DIP2C: variants seen among roughly 807,000 people sequenced by gnomAD.
DIP2C encodes the protein disco-interacting protein 2 homolog C.
Under a neutral mutation model 192.4 loss-of-function variants are expected in DIP2C, and 33 were observed. The ratio of observed to expected loss-of-function variants is 0.17; its 90% CI spans 0.13 to 0.23. The LOEUF is 0.23. Among genes scored for constraint, DIP2C ranks in the 10% least tolerant of loss-of-function variants. The pLI, the probability that DIP2C is intolerant of heterozygous loss-of-function variation, is 1.00. For synonymous variants in DIP2C, 979 were observed against 864.1 expected, an observed-to-expected ratio of 1.13 and a Z score of -2.33; for missense variants, 1,537 against 2,110.1, an observed-to-expected ratio of 0.73 and a Z score of 5.32.
chr10:687,568 G>A (rs988842457), intron 1 of DIP2C, among the ~76,000 whole-genome samples: 7 of 152,278 alleles, frequency 4.6e-5, no homozygotes, highest in African/African-American at 1.7e-4. Flanking sequence ...CCCTTTCTCT[G>A]CCTGGTCTCT....
At chr10:379,238 G>A (rs968729405) in intron 17 of DIP2C, among the ~76,000 whole-genome samples, 12 of 102,182 alleles carry the variant, frequency 1.2e-4, no homozygotes, top group African/African-American at 2.2e-4. Flanking sequence ...GCTTCTGTAC[G>A]CCCTGCCCCG....
chr10:539,998 C>T (rs935750022), intron 1 of DIP2C, among the ~76,000 whole-genome samples: 7 of 152,174 alleles, frequency 4.6e-5, no homozygotes, highest in African/African-American at 7.2e-5. Context: ...TGCAGAAAGC[C>T]ACTTTCCCCT....
chr10:353,637 C>T (rs747695129), intron 24 of DIP2C, among the ~76,000 whole-genome samples: 15 of 152,290 alleles, frequency 9.8e-5, no homozygotes, highest in Non-Finnish European at 1.0e-4. Context: ...ACTGATCCAC[C>T]CAAAGTGCTG....
chr10:387,295 G>A, intron 14 of DIP2C, among the ~76,000 whole-genome samples: 1 of 152,252 alleles, frequency 6.6e-6, no homozygotes. Flanking sequence ...AACTGGCTTT[G>A]TGGTGCAGTT....
chr10:329,552 T>G lies in DIP2C; in HGVS notation c.3634A>C (p.Thr1212Pro), dbSNP rs951194420. ...GCAAGAAGCCACAAGGCGGGGTTGG[T>G]TTCCAGCTCAGAGGGCGGGATCAGG... ...SILIPPSELE[T>P]NPALWLLAVS... The change falls in exon 30 of 37, where the codon ACC becomes CCC. Residue 1212 changes from threonine (T) to proline (P), a missense_variant. Around this residue, in one of 4 missense-constraint regions of DIP2C, gnomAD observed 341 missense variants for 551.7 expected, o/e 0.62. Transcript: ENST00000280886. 6.2e-7 allele frequency: 1 copy of G among 1,614,094 alleles called. No individual in the cohort carries two copies.
Position 390,109 on chromosome 10 carries a change from G to C in DIP2C, c.1495-16C>G, listed in dbSNP as rs778560351. 6.2e-7 allele frequency: 1 copy of C among 1,611,532 alleles called. No individual in the cohort carries two copies. Among genetic ancestry groups the C allele is most frequent in the Non-Finnish European group, 8.5e-7 (1 of 1,177,934 alleles). On this transcript the variant is annotated splice_polypyrimidine_tract_variant and intron_variant, in intron 12 of 36. Coordinates refer to ENST00000280886, the MANE Select transcript of DIP2C (RefSeq NM_014974.3). ...ACGTCTTGTACTGAAACGAGACAAA[G>C]CGTGAGGGAAGTGGGGCTGACAGGT...
intron 4 of DIP2C, among the ~76,000 whole-genome samples, chr10:425,993 T>A (rs1966574976): frequency 6.6e-6 from 1 of 152,214 alleles, no homozygotes; most frequent in Non-Finnish European, 1.5e-5. Context: ...TTATTTGACA[T>A]TATCTGGCAG....
At chr10:556,129 C>T (rs1004095563) in intron 1 of DIP2C, among the ~76,000 whole-genome samples, 1 of 131,646 alleles carries the variant, frequency 7.6e-6, no homozygotes, top group African/African-American at 3.1e-5. Flanking sequence ...AACCACCCAC[C>T]CCCTTCCACA....
Position 366,126 on chromosome 10 carries a change from A to G in DIP2C, c.2268+149T>C. On this transcript the variant is annotated intron_variant, in intron 19 of 36. Transcript: ENST00000280886. ...AAAACAAATTTATCAAAAGCGATAA[A>G]AAGTGGTAAAGTGCCATCGTTTTCA... The G allele has an allele frequency of 1.4e-5, 16 of 1,136,590 alleles. No individual in the cohort carries two copies. In the South Asian group the frequency reaches 1.4e-4, roughly 10 times the overall value. The allele number at this position is 1,136,590 out of a possible 1,614,324, so 70.4% of individuals were successfully genotyped here.
At chr10:286,631 G>A (rs1955150953) in intron 33 of DIP2C, among the ~76,000 whole-genome samples, 1 of 152,016 alleles carries the variant, frequency 6.6e-6, no homozygotes, top group South Asian at 2.1e-4. Flanking sequence ...AAAGCTAAGA[G>A]AAATCTATTG....
intron 1 of DIP2C, among the ~76,000 whole-genome samples, chr10:506,313 G>A (rs894098788): frequency 3.9e-5 from 6 of 152,174 alleles, no homozygotes; most frequent in Non-Finnish European, 8.8e-5. Flanking sequence ...CAGACAAGCT[G>A]CATGACATCT....
chr10:528,308 C>G (rs1488454877), intron 1 of DIP2C, among the ~76,000 whole-genome samples: 4 of 151,970 alleles, frequency 2.6e-5, no homozygotes, highest in Non-Finnish European at 2.9e-5. Flanking sequence ...GCTGCCCACC[C>G]AGAATGCAGA....
chr10:310,187 C>A, intron 31 of DIP2C, 95 bp from the exon 32 acceptor site: 1 of 1,226,776 alleles, frequency 8.2e-7, no homozygotes, highest in Non-Finnish European at 1.2e-6. Context: ...TTTGTAAAAT[C>A]TTAAAGTGAA....
At chr10:570,737 C>T (rs1352807457) in intron 1 of DIP2C, among the ~76,000 whole-genome samples, 1 of 152,230 alleles carries the variant, frequency 6.6e-6, no homozygotes, top group African/African-American at 2.4e-5. Flanking sequence ...GTAGATAAGT[C>T]CACAACCTAC....
In DIP2C at chr10:356,514, A is replaced by G. The variant is rs1196851120; in HGVS notation, c.2905-8T>C. ...CTCTGAGAGGAACAGGAACTGGAAC[A>G]GAGCACGGGCATGAGGATCAGGCTG... On this transcript the variant is annotated splice_polypyrimidine_tract_variant and splice_region_variant and intron_variant, in intron 23 of 36. Coordinates refer to ENST00000280886, the MANE Select transcript of DIP2C (RefSeq NM_014974.3). 7.5e-6 allele frequency: 12 copies of G among 1,608,836 alleles called. No individual in the cohort carries two copies. In the East Asian group the frequency reaches 2.7e-4, roughly 36 times the overall value.
intron 1 of DIP2C, among the ~76,000 whole-genome samples, chr10:624,654 T>C (rs186939755): frequency 1.3e-5 from 2 of 152,046 alleles, no homozygotes; most frequent in Non-Finnish European, 2.9e-5. Context: ...GAGGCGAGCG[T>C]CGGTCTTGCT....
intron 36 of DIP2C, among the ~76,000 whole-genome samples, chr10:279,062 A>G (rs1218041096): frequency 6.6e-6 from 1 of 152,216 alleles, no homozygotes. Flanking sequence ...CAGTATGGCC[A>G]ACCTATGTTA....
chr10:338,872 C>G lies in DIP2C; in HGVS notation c.3584+2327G>C, dbSNP rs1240873727. On this transcript the variant is annotated intron_variant, in intron 29 of 36. Transcript: ENST00000280886. ...ACCCTGCCTGGCTCCCACAGCCCACCCCACCTGCACCCTGCACCCTGCCTG... is the reference window on the plus strand; with the variant it reads ...ACCCTGCCTGGCTCCCACAGCCCACGCCACCTGCACCCTGCACCCTGCCTG... 4.6e-5 allele frequency among the ~76,000 whole-genome samples: 6 copies of G among 129,556 alleles called. No individual in the cohort carries two copies. The East Asian group carries it at 8.0e-4, about 17-fold the overall frequency. The allele number at this position is 129,556 out of a possible 152,430, so 85.0% of individuals were successfully genotyped here.
chr10:379,120 C>T (rs574442446), intron 17 of DIP2C, among the ~76,000 whole-genome samples: 6 of 149,078 alleles, frequency 4.0e-5, no homozygotes, highest in Admixed American at 6.7e-5. Context: ...ACAGCACCTG[C>T]GGCCCAGGCG....
Sources: allele counts gnomAD v4.1 joint callset (sites outside exome capture counted in the v4.1 genomes callset), GRCh38; gene constraint gnomAD v4.1.1; regional missense constraint gnomAD v4.1.1; transcripts MANE v1.5; gene names NCBI Gene and HGNC (gene_info 2026-07-23, HGNC 2026-07-21).